SORCS3: variants seen among roughly 807,000 people sequenced by gnomAD.
SORCS3 encodes sortilin related VPS10 domain containing receptor 3.
SORCS3 carries 57 observed loss-of-function variants against 146.3 expected under a neutral mutation model. That is an observed-to-expected ratio of 0.39 (90% CI 0.31 to 0.49). The LOEUF (loss-of-function observed/expected upper bound fraction) is 0.49. Ranked by LOEUF, SORCS3 falls within the 20% of genes least tolerant of loss-of-function variation. The pLI is 0.92. For missense variants in SORCS3, 1,341 were observed against 1,575.5 expected (o/e 0.85, Z 2.52); for synonymous variants, 653 against 618.5 (o/e 1.06, Z -0.83).
intron 4 of SORCS3, among the ~76,000 whole-genome samples, chr10:105,030,400 T>C (rs1188456268): frequency 1.3e-5 from 2 of 152,116 alleles, no homozygotes; most frequent in Non-Finnish European, 2.9e-5. Flanking sequence ...GTCTGTTACC[T>C]CCAGCAGGCT....
chr10:105,076,712 A>G (rs1159806750), intron 5 of SORCS3, among the ~76,000 whole-genome samples: 1 of 152,244 alleles, frequency 6.6e-6, no homozygotes, highest in East Asian at 1.9e-4. Context: ...GCTAGGCTGT[A>G]ACTCACACAT....
intron 13 of SORCS3, among the ~76,000 whole-genome samples, chr10:105,170,827 G>GT (rs1459143294): frequency 6.6e-6 from 1 of 152,102 alleles, no homozygotes; most frequent in Non-Finnish European, 1.5e-5. Flanking sequence ...TATCATCAAT[G>GT]TTTTCTTATG....
rs542122804 is a variant in SORCS3, at chr10:104,809,092, G to A, written c.628-33700G>A. On this transcript the variant is annotated intron_variant, in intron 1 of 26. Transcript: ENST00000369701. ...TCACAGAACAGTAGAGGTTTTGGGAGGTAGAACATGGGTTCAGTTTCAAAT... is the reference window on the plus strand; with the variant it reads ...TCACAGAACAGTAGAGGTTTTGGGAAGTAGAACATGGGTTCAGTTTCAAAT... Among the ~76,000 whole-genome samples the A allele has an allele frequency of 2.0e-5, 3 of 152,322 alleles. No individual in the cohort carries two copies. The South Asian group carries it at 6.2e-4, about 32-fold the overall frequency.
intron 1 of SORCS3, among the ~76,000 whole-genome samples, chr10:104,715,604 T>C (rs1241247093): frequency 6.6e-6 from 1 of 152,252 alleles, no homozygotes; most frequent in East Asian, 1.9e-4. Context: ...TACAGTACAG[T>C]ACATCGAAGG....
intron 4 of SORCS3, among the ~76,000 whole-genome samples, chr10:105,014,616 C>T (rs893307395): frequency 1.3e-5 from 2 of 152,042 alleles, no homozygotes; most frequent in Non-Finnish European, 2.9e-5. Flanking sequence ...AAATGATTGC[C>T]AAAGGAGTGA....
At chr10:105,083,740 T>C (rs182570403) in intron 5 of SORCS3, among the ~76,000 whole-genome samples, 1 of 152,332 alleles carries the variant, frequency 6.6e-6, no homozygotes, top group East Asian at 1.9e-4. Flanking sequence ...TTACCTTCAA[T>C]ATGAGTGACT....
chr10:105,200,812 G>T (rs2056570087), intron 15 of SORCS3, among the ~76,000 whole-genome samples: 1 of 152,156 alleles, frequency 6.6e-6, no homozygotes, highest in Admixed American at 6.5e-5. Flanking sequence ...AATGTACCTG[G>T]TGGTCTGCAA....
At chr10:105,170,965 G>T (rs1170820984) in intron 13 of SORCS3, among the ~76,000 whole-genome samples, 1 of 152,104 alleles carries the variant, frequency 6.6e-6, no homozygotes, top group East Asian at 1.9e-4. Context: ...ATTTTAAGAG[G>T]AAGATAGGTT....
chr10:105,096,283 C>T (rs1179036682), intron 6 of SORCS3, among the ~76,000 whole-genome samples: 2 of 152,138 alleles, frequency 1.3e-5, no homozygotes, highest in Non-Finnish European at 2.9e-5. Context: ...AGAACCAACG[C>T]ACTAGATCTG....
At chr10:105,185,580 A>C (rs760756695) in intron 14 of SORCS3, among the ~76,000 whole-genome samples, 1 of 152,218 alleles carries the variant, frequency 6.6e-6, no homozygotes, top group Non-Finnish European at 1.5e-5. Context: ...TCATAACTAC[A>C]TTATTGTCTT....
At chr10:105,092,888 T>A (rs978292829) in intron 6 of SORCS3, among the ~76,000 whole-genome samples, 61 of 152,172 alleles carry the variant, frequency 4.0e-4, no homozygotes, top group Non-Finnish European at 5.1e-4. Context: ...AGATACTGAA[T>A]GCTTTCTCCC....
chr10:104,696,566 CGT>C (rs2016205948), intron 1 of SORCS3, among the ~76,000 whole-genome samples: 1 of 9,152 alleles, frequency 1.1e-4, no homozygotes, highest in East Asian at 6.3e-3. Flanking sequence ...ATATAATATA[CGT>C]ATATAATATA....
At chr10:105,229,998 A>G (rs182609889) in intron 20 of SORCS3, among the ~76,000 whole-genome samples, 186 of 152,214 alleles carry the variant, frequency 1.2e-3, no homozygotes, top group African/African-American at 4.2e-3. Context: ...GCAATGGGTT[A>G]GTGGTTTAGT....
chr10:104,713,926 C>T (rs1413442743), intron 1 of SORCS3, among the ~76,000 whole-genome samples: 6 of 152,104 alleles, frequency 3.9e-5, no homozygotes, highest in Admixed American at 3.3e-4. Context: ...GACTCAATTT[C>T]TTTAACAGAA....
rs2015947616 is a variant in SORCS3 at position 104,679,512 on chromosome 10, C to T, written c.627+37558C>T. ...AGGGCTCACTTTTCCTGTCTTAATCCTCTCCTGGAATACTGTGTTGTCAAC... is the reference window on the plus strand; with the variant it reads ...AGGGCTCACTTTTCCTGTCTTAATCTTCTCCTGGAATACTGTGTTGTCAAC... On this transcript the variant is annotated intron_variant, in intron 1 of 26. Transcript: ENST00000369701. 2.0e-5 allele frequency among the ~76,000 whole-genome samples: 3 copies of T among 152,148 alleles called. 1 individual carries two copies. In the East Asian group the frequency reaches 5.8e-4, roughly 29 times the overall value.
chr10:104,829,790 G>C (rs1442966793), intron 1 of SORCS3, among the ~76,000 whole-genome samples: 1 of 152,132 alleles, frequency 6.6e-6, no homozygotes, highest in East Asian at 1.9e-4. Context: ...TCCTTGAAAT[G>C]CTTTCCTCAC....
intron 1 of SORCS3, among the ~76,000 whole-genome samples, chr10:104,662,335 C>G (rs574569812): frequency 1.3e-5 from 2 of 152,316 alleles, no homozygotes; most frequent in Non-Finnish European, 2.9e-5. Context: ...AAACATTGAG[C>G]TGTAACTTTT....
chr10:104,810,348 A>G (rs1404737202), intron 1 of SORCS3, among the ~76,000 whole-genome samples: 2 of 152,234 alleles, frequency 1.3e-5, no homozygotes, highest in Non-Finnish European at 2.9e-5. Context: ...AACACTTTAT[A>G]TAAAGATTTA....
intron 5 of SORCS3, among the ~76,000 whole-genome samples, chr10:105,059,202 A>G (rs1253904345): frequency 6.6e-6 from 1 of 152,122 alleles, no homozygotes; most frequent in Non-Finnish European, 1.5e-5. Flanking sequence ...GTTCCCCCTT[A>G]TCAAAAACCC....
Sources: gnomAD v4.1 joint callset for allele counts (sites outside exome capture counted in the v4.1 genomes callset) on GRCh38, gnomAD v4.1.1 for gene constraint, MANE v1.5 for transcripts, NCBI Gene and HGNC (gene_info 2026-07-23, HGNC 2026-07-21) for gene names.